ZBTB7C: variants seen among roughly 807,000 people sequenced by gnomAD.
The protein encoded by ZBTB7C is zinc finger and BTB domain containing 7C.
ZBTB7C carries 8 observed loss-of-function variants against 25.7 expected under a neutral mutation model. The observed-to-expected ratio is 0.31, with a 90% CI of 0.18 to 0.56. The LOEUF is 0.56. ZBTB7C is among the 20% of genes least tolerant of loss of function. The pLI, the probability that ZBTB7C is intolerant of heterozygous loss-of-function variation, is 0.91. For missense variants in ZBTB7C, 824 were observed against 855.2 expected (o/e 0.96, Z 0.46); for synonymous variants, 394 against 369.0 (o/e 1.07, Z -0.78).
In ZBTB7C at chr18:48,029,840, G is replaced by C. The variant is rs760248712; in HGVS notation, c.1280C>G (p.Ala427Gly). ...GAGGTCGTAGTTGTGCACGAACTTG[G>C]CGTTGCAGTGGATGCACAGGTAGGG... ...ERPYLCIHCN[A>G]KFVHNYDLKN... Residue 427 changes from alanine (A) to glycine (G), a missense_variant, in exon 5 of 5, where the codon GCC (alanine) becomes GGC (glycine). Transcript: ENST00000590800. 1.1e-5 allele frequency: 17 copies of C among 1,610,328 alleles called. No individual in the cohort carries two copies. The highest frequency in any genetic ancestry group is 1.4e-5 in the Non-Finnish European group (17 of 1,180,004).
At chr18:48,034,328 G>C (rs1396636783) in intron 4 of ZBTB7C, among the ~76,000 whole-genome samples, 1 of 152,096 alleles carries the variant, frequency 6.6e-6, no homozygotes, top group African/African-American at 2.4e-5. Flanking sequence ...AACACCTGCA[G>C]GTATGAACTG....
At chr18:48,230,580 T>C (rs1048629939) in intron 2 of ZBTB7C, among the ~76,000 whole-genome samples, 4 of 152,110 alleles carry the variant, frequency 2.6e-5, no homozygotes, top group African/African-American at 9.7e-5. Context: ...CTCAGGTTTG[T>C]TGAAGAGAAT....
intron 1 of ZBTB7C, among the ~76,000 whole-genome samples, chr18:48,402,317 T>C (rs1174247834): frequency 6.6e-6 from 1 of 151,876 alleles, no homozygotes; most frequent in Non-Finnish European, 1.5e-5. Context: ...CTTGTCATGG[T>C]TAAATAAGGT....
chr18:48,104,141 G>A (rs1257100369), intron 3 of ZBTB7C, among the ~76,000 whole-genome samples: 1 of 152,182 alleles, frequency 6.6e-6, no homozygotes, highest in African/African-American at 2.4e-5. Flanking sequence ...GTGGAAATAT[G>A]ACCTCCAATG....
intron 3 of ZBTB7C, among the ~76,000 whole-genome samples, chr18:48,117,760 A>C (rs927424259): frequency 6.6e-6 from 1 of 152,182 alleles, no homozygotes; most frequent in Admixed American, 6.5e-5. Context: ...CTACTCAAGC[A>C]GAACGAATCT....
intron 3 of ZBTB7C, among the ~76,000 whole-genome samples, chr18:48,103,688 A>G (rs2038929758): frequency 6.6e-6 from 1 of 152,172 alleles, no homozygotes; most frequent in South Asian, 2.1e-4. Flanking sequence ...CAACTCAAAT[A>G]TCCATCAACT....
intron 2 of ZBTB7C, among the ~76,000 whole-genome samples, chr18:48,321,563 G>T (rs368666662): frequency 1.3e-5 from 2 of 152,168 alleles, no homozygotes; most frequent in African/African-American, 4.8e-5. Flanking sequence ...GCACTGGACT[G>T]CTTCCCCTCC....
chr18:48,168,061 C>T (rs935102739), intron 3 of ZBTB7C, among the ~76,000 whole-genome samples: 20 of 152,224 alleles, frequency 1.3e-4, no homozygotes, highest in Admixed American at 1.3e-3. Context: ...GGACAACACA[C>T]TCTGAGGGTG....
At chr18:48,281,523 A>G (rs2044849577) in intron 2 of ZBTB7C, among the ~76,000 whole-genome samples, 1 of 152,198 alleles carries the variant, frequency 6.6e-6, no homozygotes, top group African/African-American at 2.4e-5. Context: ...GTGAACAGGC[A>G]ACCTACAAAA....
At chr18:48,389,971 A>C (rs1478091406) in intron 1 of ZBTB7C, among the ~76,000 whole-genome samples, 1 of 152,128 alleles carries the variant, frequency 6.6e-6, no homozygotes, top group Non-Finnish European at 1.5e-5. Context: ...CCAATAGAAA[A>C]ATTTTTTCAG....
chr18:48,326,747 A>G (rs184852062), intron 2 of ZBTB7C, among the ~76,000 whole-genome samples: 1 of 152,370 alleles, frequency 6.6e-6, no homozygotes, highest in Admixed American at 6.5e-5. Flanking sequence ...CTAAGAATAC[A>G]TACTTGAATT....
At chr18:48,366,663 G>A (rs2047227839) in intron 1 of ZBTB7C, among the ~76,000 whole-genome samples, 1 of 152,140 alleles carries the variant, frequency 6.6e-6, no homozygotes, top group Admixed American at 6.5e-5. Context: ...CTACAAAACA[G>A]GAAACATAAA....
chr18:48,286,233 CGTGTGT>C lies in ZBTB7C; in HGVS notation c.-79+51935_-79+51940del, dbSNP rs59121430. Among the ~76,000 whole-genome samples, 656 of 145,568 alleles carry C rather than the reference CGTGTGT, an allele frequency of 4.5e-3. 5 individuals are homozygous for C. The highest frequency in any genetic ancestry group is 0.011 in the African/African-American group (431 of 39,712). On this transcript the variant is annotated intron_variant, in intron 2 of 4. Coordinates refer to ENST00000590800, the MANE Select transcript of ZBTB7C (RefSeq NM_001318841.2). ...TCATCTTTGTCAGAGAAGAGGTGTG[CGTGTGT>C]GTGTGTGTGTGTGTGTGTGTGTGTG...
chr18:48,056,421 A>G (rs2036917396), intron 3 of ZBTB7C, among the ~76,000 whole-genome samples: 1 of 152,228 alleles, frequency 6.6e-6, no homozygotes, highest in African/African-American at 2.4e-5. Context: ...TAGCCAAGAA[A>G]TTTTTGAAAC....
At chr18:48,057,759 C>T (rs1384607876) in intron 3 of ZBTB7C, among the ~76,000 whole-genome samples, 3 of 152,122 alleles carry the variant, frequency 2.0e-5, no homozygotes, top group African/African-American at 7.2e-5. Flanking sequence ...CTTCAGCTAC[C>T]CATCTCAGTT....
At position 48,040,405 on chromosome 18, in the gene ZBTB7C, G is replaced by C. The variant is rs756030910; in HGVS notation, c.703C>G (p.Leu235Val). 3.7e-6 allele frequency: 6 copies of C among 1,611,886 alleles called. No individual in the cohort carries two copies. The South Asian group carries it at 6.6e-5, about 18-fold the overall frequency. The change falls in exon 4 of 5, where the codon CTG becomes GTG. Residue 235 changes from leucine to valine, a missense_variant. Physicochemically the swap from Leu to Val is conservative, Grantham distance 32. Around this residue, in one of 4 missense-constraint regions of ZBTB7C, gnomAD observed 316 missense variants for 299.2 expected, o/e 1.06. Transcript: ENST00000590800. ...TCGGGGATGTTGGCCTTGGGGTACAGGTTCTCCCTTAGCAGAGATTCGATG... is the reference window on the plus strand; with the variant it reads ...TCGGGGATGTTGGCCTTGGGGTACACGTTCTCCCTTAGCAGAGATTCGATG... ...FSIESLLREN[L>V]YPKANIPDRR...
intron 2 of ZBTB7C, among the ~76,000 whole-genome samples, chr18:48,307,903 A>G (rs1265029991): frequency 6.6e-6 from 1 of 152,202 alleles, no homozygotes; most frequent in East Asian, 1.9e-4. Context: ...CTCTGTAAGA[A>G]CAGGTATCTC....
intron 1 of ZBTB7C, among the ~76,000 whole-genome samples, chr18:48,367,202 T>TATATATATATATACACACACAC (rs1302394192): frequency 1.6e-5 from 1 of 63,406 alleles, no homozygotes; most frequent in African/African-American, 6.1e-5. Context: ...TATATATATA[T>TATATATATATATACACACACAC]ACACACACAC....
chr18:48,385,536 C>A (rs1483584833), intron 1 of ZBTB7C, among the ~76,000 whole-genome samples: 5 of 152,348 alleles, frequency 3.3e-5, no homozygotes, highest in Admixed American at 1.3e-4. Flanking sequence ...CAGAAAGTCA[C>A]CCCCCTTGCA....
Sources: gnomAD v4.1 joint callset for allele counts (sites outside exome capture counted in the v4.1 genomes callset) on GRCh38, gnomAD v4.1.1 for gene constraint, gnomAD v4.1.1 regional missense constraint, MANE v1.5 for transcripts, NCBI Gene and HGNC (gene_info 2026-07-23, HGNC 2026-07-21) for gene names.